Variants in RFX1 observed in about 807,000 individuals in gnomAD.
RFX1 encodes MHC class II regulatory factor RFX1.
Under a neutral mutation model 119.6 loss-of-function variants are expected in RFX1, and 42 were observed. That is an observed-to-expected ratio of 0.35 (90% CI 0.27 to 0.45). RFX1 has a LOEUF of 0.45. RFX1 is among the 20% of genes least tolerant of loss of function. RFX1 has a pLI of 1.00. For synonymous variants in RFX1, 628 were observed against 618.5 expected, an observed-to-expected ratio of 1.02 and a Z score of -0.23; for missense variants, 1,118 against 1,368.1, an observed-to-expected ratio of 0.82 and a Z score of 2.88.
chr19:14,000,958 C>T (rs1975197021), intron 1 of RFX1, among the ~76,000 whole-genome samples: 1 of 151,916 alleles, frequency 6.6e-6, no homozygotes, highest in South Asian at 2.1e-4. Context: ...ATTAGGTGGG[C>T]GTGATGGCGT....
At chr19:13,982,663 G>C (rs1974464939) in intron 4 of RFX1, among the ~76,000 whole-genome samples, 1 of 152,194 alleles carries the variant, frequency 6.6e-6, no homozygotes, top group Admixed American at 6.5e-5. Context: ...AATTAGCCAG[G>C]TGTGGTGGTG....
At position 13,996,008 on chromosome 19, in the gene RFX1, C is replaced by T. The variant is rs139040831; in HGVS notation, c.-52-2113G>A. Among the ~76,000 whole-genome samples, 457 of 152,204 alleles carry T rather than the reference C, an allele frequency of 3.0e-3. 2 individuals are homozygous for T. Among genetic ancestry groups the T allele is most frequent in the Middle Eastern group, 0.017 (5 of 294 alleles). On this transcript the variant is annotated intron_variant, in intron 1 of 20. Coordinates refer to ENST00000254325, the MANE Select transcript of RFX1 (RefSeq NM_002918.5). ...CGAGATTGTTCCACTGCACTCCAGC[C>T]TCAGTGACACAGCAACACCCTGTCT... is the stretch of plus-strand genomic sequence containing the variant.
chr19:13,979,887 G>A (rs1974374032), intron 6 of RFX1, among the ~76,000 whole-genome samples: 3 of 152,130 alleles, frequency 2.0e-5, no homozygotes, highest in African/African-American at 7.2e-5. Flanking sequence ...CTGTGCTGTG[G>A]CGGGCATGCG....
chr19:13,969,029 T>C lies in RFX1; in HGVS notation c.1497-135A>G. On this transcript the variant is annotated intron_variant, in intron 10 of 20. Transcript: ENST00000254325. This position sits in a 1 kb window ranked among gnomAD's most constrained non-coding sequence, Gnocchi z 4.5. ...GACGCCTGCCCTGCAGAGACGGGGG[T>C]GCTGCACTGAGGAGGCACAGGGGCT... 2.0e-6 allele frequency: 2 copies of C among 1,011,740 alleles called. No individual in the cohort carries two copies. The highest frequency in any genetic ancestry group is 2.8e-6 in the Non-Finnish European group (2 of 704,340). The allele number at this position is 1,011,740 out of a possible 1,614,324, so 62.7% of individuals were successfully genotyped here. A position where few individuals can be genotyped will look rare whatever the true frequency, so the allele number is the denominator to read the frequency against.
chr19:13,976,269 T>C (rs1974250984), intron 8 of RFX1, among the ~76,000 whole-genome samples: 1 of 152,176 alleles, frequency 6.6e-6, no homozygotes, highest in East Asian at 1.9e-4. Flanking sequence ...AGCTAACCAA[T>C]CCCAGCATTG....
chr19:13,976,838 T>C (rs1365928272), intron 8 of RFX1, among the ~76,000 whole-genome samples: 1 of 151,512 alleles, frequency 6.6e-6, no homozygotes, highest in East Asian at 1.9e-4. Context: ...ACCCCATCTC[T>C]ACAAAAATAC....
At chr19:13,988,024 CTT>C (rs768766007) in intron 2 of RFX1, among the ~76,000 whole-genome samples, 19 of 134,442 alleles carry the variant, frequency 1.4e-4, no homozygotes, top group Admixed American at 3.0e-4. Flanking sequence ...ACTTCTTGCT[CTT>C]TTTTTTTTTT....
intron 2 of RFX1, among the ~76,000 whole-genome samples, chr19:13,988,489 C>G (rs930969273): frequency 2.0e-5 from 3 of 152,222 alleles, no homozygotes; most frequent in Non-Finnish European, 4.4e-5. Flanking sequence ...GATCAGGACC[C>G]ATCAGACACT....
rs1472470452 is a variant in RFX1, at chr19:13,980,173, G to A, written c.738+400C>T. Among the ~76,000 whole-genome samples the A allele has an allele frequency of 6.6e-6, 1 of 152,172 alleles. No individual in the cohort carries two copies. Among genetic ancestry groups the A allele is most frequent in the Non-Finnish European group, 1.5e-5 (1 of 68,006 alleles). On this transcript the variant is annotated intron_variant, in intron 6 of 20. Coordinates refer to ENST00000254325, the MANE Select transcript of RFX1 (RefSeq NM_002918.5). This position sits in a 1 kb window ranked among gnomAD's most constrained non-coding sequence, Gnocchi z 5.1. ...CAGCATCTTAACCTGCGCCGGCTCA[G>A]GGCTCTGCCTCCTGCAGAGGCTGGG...
rs923991536 is a variant in RFX1 at position 13,985,141 on chromosome 19, C to T, written c.320-1546G>A. On this transcript the variant is annotated intron_variant, in intron 2 of 20. Coordinates refer to ENST00000254325, the MANE Select transcript of RFX1 (RefSeq NM_002918.5). The surrounding 1 kb of genome is among the most constrained non-coding windows in gnomAD (Gnocchi z 4.3). ...TCTCCCGAAGTGCCGGAATTACCGG[C>T]GTGAGCCACTGTGCCTGGCTGACAG... 4.6e-5 allele frequency among the ~76,000 whole-genome samples: 7 copies of T among 151,746 alleles called. No individual in the cohort carries two copies. The highest frequency in any genetic ancestry group is 4.2e-4 in the South Asian group (2 of 4,798).
chr19:13,996,718 CTTTTTTTTTTTT>C, intron 1 of RFX1, among the ~76,000 whole-genome samples: 1 of 114,440 alleles, frequency 8.7e-6, no homozygotes, highest in Admixed American at 9.1e-5. Context: ...GGCTCATTTG[CTTTTTTTTTTTT>C]TTTTTTTTTT....
rs1974581183 is a variant in RFX1, at chr19:13,985,983, A to G, written c.320-2388T>C. 6.6e-6 allele frequency among the ~76,000 whole-genome samples: 1 copy of G among 152,210 alleles called. No individual in the cohort carries two copies. The highest frequency in any genetic ancestry group is 2.1e-4 in the South Asian group (1 of 4,838). On this transcript the variant is annotated intron_variant, in intron 2 of 20. Transcript: ENST00000254325. This position sits in a 1 kb window ranked among gnomAD's most constrained non-coding sequence, Gnocchi z 4.3. ...TGCCTGCCTGACCAGCTACCTGTGC[A>G]GCCAATTCCACAGGCCCTAATCCCT... is the stretch of plus-strand genomic sequence containing the variant.
At chr19:13,988,616 G>C (rs746688687) in intron 2 of RFX1, among the ~76,000 whole-genome samples, 3 of 152,100 alleles carry the variant, frequency 2.0e-5, no homozygotes, top group Non-Finnish European at 4.4e-5. Context: ...GGCTGTTCTG[G>C]GTCAGGCTGG....
At position 13,986,554 on chromosome 19, in the gene RFX1, A is replaced by G. The variant is rs962877757; in HGVS notation, c.320-2959T>C. Among the ~76,000 whole-genome samples, 1 of 152,132 alleles carries G rather than the reference A, an allele frequency of 6.6e-6. No homozygotes were observed. Among genetic ancestry groups the G allele is most frequent in the Non-Finnish European group, 1.5e-5 (1 of 67,996 alleles). On this transcript the variant is annotated intron_variant, in intron 2 of 20. Transcript: ENST00000254325. This position sits in a 1 kb window ranked among gnomAD's most constrained non-coding sequence, Gnocchi z 4.2. ...CCCTCGCTGTGTTTCAGGGAGGAGAAGCCAGGAGGGGAAGTGGGGGGTGGC... is the reference window on the plus strand; with the variant it reads ...CCCTCGCTGTGTTTCAGGGAGGAGAGGCCAGGAGGGGAAGTGGGGGGTGGC...
chr19:13,964,599 A>G (rs1305371263), intron 16 of RFX1, among the ~76,000 whole-genome samples: 3 of 152,090 alleles, frequency 2.0e-5, no homozygotes. Flanking sequence ...CTCGTGCCTC[A>G]GCCTCCTGGG....
Position 13,963,877 on chromosome 19 carries a change from A to T in RFX1, c.2342T>A (p.Val781Glu). The T allele has an allele frequency of 6.5e-7, 1 of 1,537,234 alleles. No homozygotes were observed. The highest frequency in any genetic ancestry group is 8.7e-7 in the Non-Finnish European group (1 of 1,143,888). Residue 781 changes from valine to glutamate, a missense_variant, in exon 17 of 21, where the codon GTG becomes GAG. Val to Glu is a moderately radical substitution (Grantham distance 121). This residue lies in a region of RFX1 where 338 missense variants were observed against 508.9 expected (regional missense o/e 0.66). Coordinates refer to ENST00000254325, the MANE Select transcript of RFX1 (RefSeq NM_002918.5). ...GCTCACCTGCACGTTGGCGAAGTCC[A>T]CGCGGTTGAGGTCGCTCAGCATCTG... ...INQMLSDLNR[V>E]DFANVQEQAS... is the part of the protein sequence containing the mutation.
rs944940629 is a variant in RFX1 at position 13,983,156 on chromosome 19, C to G, written c.513+31G>C. 6 of 1,508,502 alleles carry G rather than the reference C, an allele frequency of 4.0e-6. No individual in the cohort carries two copies. The African/African-American group carries it at 6.9e-5, about 17-fold the overall frequency. The allele number at this position is 1,508,502 out of a possible 1,614,324, so 93.4% of individuals were successfully genotyped here. A position where few individuals can be genotyped will look rare whatever the true frequency, so the allele number is the denominator to read the frequency against. ...TGGTCCTCCACCCTGAGGGAGCCTTCCAGGGTGGTGGCCAGGTGCAGCAGC... is the reference window on the plus strand; with the variant it reads ...TGGTCCTCCACCCTGAGGGAGCCTTGCAGGGTGGTGGCCAGGTGCAGCAGC... On this transcript the variant is annotated intron_variant, in intron 4 of 20. Coordinates refer to ENST00000254325, the MANE Select transcript of RFX1 (RefSeq NM_002918.5).
chr19:13,977,955 A>G (rs759131192), intron 8 of RFX1, 37 bp downstream of exon 8: 1 of 1,519,090 alleles, frequency 6.6e-7, no homozygotes, highest in Admixed American at 1.7e-5. Context: ...TCCAGTGCAG[A>G]CCTGACTCCC....
In RFX1 at chr19:13,965,357, G is replaced by A. The variant is rs773081333; in HGVS notation, c.2211+92C>T. On this transcript the variant is annotated intron_variant, in intron 16 of 20. Coordinates refer to ENST00000254325, the MANE Select transcript of RFX1 (RefSeq NM_002918.5). This position sits in a 1 kb window ranked among gnomAD's most constrained non-coding sequence, Gnocchi z 4.7. ...TCCACAGGCATCATCCCTGGAACAG[G>A]CGTGGGGACAAATTTTACCGCCCCT... 4.9e-5 allele frequency: 55 copies of A among 1,113,654 alleles called. No individual in the cohort carries two copies. Among genetic ancestry groups the A allele is most frequent in the Non-Finnish European group, 7.1e-5 (53 of 745,172 alleles). 69.0% of individuals were successfully genotyped at this position (1,113,654 alleles called of 1,614,324 possible).
Sources: gnomAD v4.1 joint callset for allele counts (sites outside exome capture counted in the v4.1 genomes callset) on GRCh38, gnomAD v4.1.1 for gene constraint, gnomAD v4.1.1 regional missense constraint, Gnocchi (gnomAD v3.1) non-coding constraint, MANE v1.5 for transcripts, NCBI Gene and HGNC (gene_info 2026-07-23, HGNC 2026-07-21) for gene names.